Variants in BTBD7 observed in about 807,000 individuals in gnomAD.
BTBD7 encodes the protein BTB domain containing 7.
Under a neutral mutation model 99.9 loss-of-function variants are expected in BTBD7, and 38 were observed. The observed-to-expected ratio is 0.38, with a 90% CI of 0.29 to 0.50. The LOEUF is 0.50. Among genes scored for constraint, BTBD7 ranks in the 20% least tolerant of loss-of-function variants. The pLI is 0.93. For synonymous variants in BTBD7, 520 were observed against 511.4 expected, an observed-to-expected ratio of 1.02 and a Z score of -0.23; for missense variants, 1,170 against 1,394.6, an observed-to-expected ratio of 0.84 and a Z score of 2.57.
At chr14:93,302,587 C>G (rs997888793) in intron 1 of BTBD7, among the ~76,000 whole-genome samples, 11 of 152,182 alleles carry the variant, frequency 7.2e-5, no homozygotes, top group Admixed American at 7.2e-4. Flanking sequence ...TGGCTCAAGC[C>G]TGTAATCCCA....
chr14:93,242,670 T>C lies in BTBD7; in HGVS notation c.3002A>G (p.Lys1001Arg), dbSNP rs78402070. ...ATATTCTCTCCTAGCTTCTTCCTGT[T>C]TTTTAGGAGACGTCTGACCAGGTAG... ...AYLPGQTSPK[K>R]QEEARREYPL... Residue 1001 changes from lysine to arginine, a missense_variant, in exon 11 of 11, where the codon AAA becomes AGA. Around this residue, in one of 4 missense-constraint regions of BTBD7, gnomAD observed 495 missense variants for 525.9 expected, o/e 0.94. Transcript: ENST00000334746. The C allele has an allele frequency of 7.4e-6, 12 of 1,614,164 alleles. No homozygotes were observed. The highest frequency in any genetic ancestry group is 7.6e-6 in the Non-Finnish European group (9 of 1,180,024).
chr14:93,273,550 C>G (rs899752068), intron 3 of BTBD7, among the ~76,000 whole-genome samples: 2 of 152,196 alleles, frequency 1.3e-5, no homozygotes, highest in Non-Finnish European at 2.9e-5. Context: ...CTGGTAGGAA[C>G]ACTTGGACAC....
intron 3 of BTBD7, among the ~76,000 whole-genome samples, chr14:93,292,835 T>C (rs1462199836): frequency 6.6e-6 from 1 of 152,170 alleles, no homozygotes; most frequent in African/African-American, 2.4e-5. Flanking sequence ...TGTTGTTATT[T>C]AACTGGGGCT....
At chr14:93,290,813 AC>A (rs2052843936) in intron 3 of BTBD7, among the ~76,000 whole-genome samples, 1 of 151,104 alleles carries the variant, frequency 6.6e-6, no homozygotes, top group African/African-American at 2.4e-5. Flanking sequence ...GCCTCAGCCT[AC>A]CTGGGACTAG....
chr14:93,282,736 CCT>C (rs1302885197), intron 3 of BTBD7, among the ~76,000 whole-genome samples: 3 of 152,070 alleles, frequency 2.0e-5, no homozygotes, highest in Non-Finnish European at 2.9e-5. Context: ...TGTCATTTTC[CCT>C]CTTTAGTCAG....
intron 7 of BTBD7, 68 bp downstream of exon 7, chr14:93,253,579 A>G (rs2052392201): frequency 1.4e-6 from 2 of 1,422,676 alleles, no homozygotes; most frequent in Non-Finnish European, 1.9e-6. Flanking sequence ...AAGTAATACT[A>G]CAGTGAACCA....
chr14:93,313,851 A>C (rs984446101), intron 1 of BTBD7, among the ~76,000 whole-genome samples: 2 of 152,084 alleles, frequency 1.3e-5, no homozygotes, highest in Admixed American at 6.6e-5. Flanking sequence ...CTCCTGCCCC[A>C]GCCTCCCAAG....
chr14:93,330,846 A>G (rs879363875), intron 1 of BTBD7, among the ~76,000 whole-genome samples: 10 of 152,350 alleles, frequency 6.6e-5, no homozygotes, highest in Admixed American at 6.5e-4. Context: ...ATACCTGGAA[A>G]CTAGGTAGTG....
At chr14:93,275,209 A>C (rs1402035048) in intron 3 of BTBD7, among the ~76,000 whole-genome samples, 1 of 152,218 alleles carries the variant, frequency 6.6e-6, no homozygotes, top group East Asian at 1.9e-4. Context: ...TACTTGTTGC[A>C]CTACATTTAT....
chr14:93,242,900 C>G lies in BTBD7; in HGVS notation c.2772G>C (p.Arg924=). ...TTTTTTGCTCTAGTGTGTGTTTTTT[C>G]CGAGAAGTGTGTGTATGTCTCTGTG... The part of the protein sequence containing the change: ...CIPQRHTHTS[R]KKHTLEQKTD... The change falls in exon 11 of 11, where the codon CGG becomes CGC. Residue 924 remains arginine (R), a synonymous_variant. Transcript: ENST00000334746. 6.2e-7 allele frequency: 1 copy of G among 1,613,976 alleles called. No homozygotes were observed. Among genetic ancestry groups the G allele is most frequent in the Non-Finnish European group, 8.5e-7 (1 of 1,179,990 alleles).
At chr14:93,317,017 T>C (rs2053214988) in intron 1 of BTBD7, among the ~76,000 whole-genome samples, 1 of 152,192 alleles carries the variant, frequency 6.6e-6, no homozygotes. Flanking sequence ...GTTTAATTCA[T>C]CCTTTCCAAA....
intron 1 of BTBD7, among the ~76,000 whole-genome samples, chr14:93,317,433 G>A (rs2053220781): frequency 6.6e-6 from 1 of 151,296 alleles, no homozygotes; most frequent in South Asian, 2.1e-4. Flanking sequence ...TTAATCCTAA[G>A]TGCAATTATT....
chr14:93,251,042 A>C (rs1377940306), intron 8 of BTBD7, among the ~76,000 whole-genome samples: 4 of 152,262 alleles, frequency 2.6e-5, no homozygotes, highest in Admixed American at 1.3e-4. Flanking sequence ...ACTTTGTCCC[A>C]CAGGGCACAA....
chr14:93,259,804 C>T (rs1317808722), intron 5 of BTBD7, among the ~76,000 whole-genome samples: 14 of 152,050 alleles, frequency 9.2e-5, no homozygotes, highest in African/African-American at 3.1e-4. Context: ...CGTGGTGGCA[C>T]GTGCCTGTAA....
intron 3 of BTBD7, among the ~76,000 whole-genome samples, chr14:93,291,641 AAAG>A (rs767525999): frequency 2.6e-5 from 4 of 152,292 alleles, no homozygotes; most frequent in Non-Finnish European, 5.9e-5. Flanking sequence ...ACAAAGGGAA[AAAG>A]AAGAGCATAT....
At chr14:93,315,734 T>C (rs746589027) in intron 1 of BTBD7, among the ~76,000 whole-genome samples, 2 of 152,238 alleles carry the variant, frequency 1.3e-5, no homozygotes, top group Non-Finnish European at 2.9e-5. Context: ...CATTTATCAG[T>C]ACTACTTTAT....
rs1566854292 is a variant in BTBD7, at chr14:93,294,930, T to TGAG, written c.87_89dup (p.Ser31dup). 1.5e-5 allele frequency: 23 copies of TGAG among 1,547,318 alleles called. No homozygotes were observed. Among genetic ancestry groups the TGAG allele is most frequent in the Non-Finnish European group, 2.0e-5 (23 of 1,151,786 alleles). On this transcript the variant is annotated inframe_insertion, in exon 3 of 11. Transcript: ENST00000334746. ...AACCATAGCCTTGCTGAGAATAGGA[T>TGAG]GAGGTCCCTAAGAAAAAAATTAAAC... is the stretch of plus-strand genomic sequence containing the variant.
chr14:93,256,470 G>A (rs1203821380), intron 6 of BTBD7: 1 of 151,170 alleles, frequency 6.6e-6, no homozygotes, highest in East Asian at 1.9e-4. Context: ...CCAGGCTGGA[G>A]TGCAATGGCT....
At chr14:93,329,120 C>T (rs2053368420) in intron 1 of BTBD7, among the ~76,000 whole-genome samples, 1 of 151,988 alleles carries the variant, frequency 6.6e-6, no homozygotes, top group Non-Finnish European at 1.5e-5. Context: ...AAAACATTTG[C>T]AAATCATGTC....
Sources: gnomAD v4.1 joint callset for allele counts (sites outside exome capture counted in the v4.1 genomes callset) on GRCh38, gnomAD v4.1.1 for gene constraint, gnomAD v4.1.1 regional missense constraint, MANE v1.5 for transcripts, NCBI Gene and HGNC (gene_info 2026-07-23, HGNC 2026-07-21) for gene names.